The following GRK3 variants were observed in gnomAD, a reference collection of about 807,000 sequenced individuals.
The protein encoded by GRK3 is adrenergic, beta, receptor kinase 2.
A neutral mutation model predicts 95.7 loss-of-function variants in GRK3; 54 were observed. That is an observed-to-expected ratio of 0.56 (90% confidence interval 0.45 to 0.71). The LOEUF is 0.71. Ranked by LOEUF, GRK3 falls within the 30% of genes least tolerant of loss-of-function variation. The probability of loss-of-function intolerance (pLI) is 0.00; values close to 1 mark genes in which losing one functional copy is unlikely to be tolerated. For synonymous variants in GRK3, 281 were observed against 290.8 expected (o/e 0.97, Z 0.34); for missense variants, 649 against 851.2 (o/e 0.76, Z 2.96).
At chr22:25,647,244 C>A in intron 3 of GRK3, 1 of 807,154 alleles carries the variant, frequency 1.2e-6, no homozygotes, top group Non-Finnish European at 1.9e-6. Context: ...AGAGCACAGC[C>A]AGAGGACAGA....
chr22:25,576,609 G>A (rs1032327505), intron 1 of GRK3, among the ~76,000 whole-genome samples: 2 of 152,204 alleles, frequency 1.3e-5, no homozygotes, highest in Admixed American at 6.5e-5. Context: ...GGAAATTCAG[G>A]TTCAGGGAGA....
intron 13 of GRK3, 136 bp downstream of exon 13, chr22:25,695,350 G>A: frequency 1.7e-6 from 1 of 593,790 alleles, no homozygotes. Flanking sequence ...GTGCTAATCT[G>A]GAAGACTCTG....
intron 5 of GRK3, among the ~76,000 whole-genome samples, chr22:25,664,167 A>G (rs762584988): frequency 6.6e-6 from 1 of 152,218 alleles, no homozygotes; most frequent in African/African-American, 2.4e-5. Flanking sequence ...ATTGTATTTT[A>G]CCTTGGCTGT....
intron 1 of GRK3, among the ~76,000 whole-genome samples, chr22:25,569,593 C>T (rs910649584): frequency 1.3e-5 from 2 of 152,160 alleles, no homozygotes; most frequent in Non-Finnish European, 2.9e-5. Context: ...GGAAACTATC[C>T]GACGAAGGTG....
At chr22:25,603,006 T>C (rs1430226812) in intron 1 of GRK3, among the ~76,000 whole-genome samples, 1 of 152,234 alleles carries the variant, frequency 6.6e-6, no homozygotes, top group African/African-American at 2.4e-5. Flanking sequence ...AACATCTGCC[T>C]CCTGGGTTCA....
intron 1 of GRK3, among the ~76,000 whole-genome samples, chr22:25,576,194 G>C (rs933917110): frequency 2.0e-5 from 3 of 151,832 alleles, no homozygotes; most frequent in African/African-American, 7.3e-5. Context: ...TCTCTCGTGG[G>C]TCCCCCTTGT....
chr22:25,711,729 G>C (rs934724875), intron 17 of GRK3, among the ~76,000 whole-genome samples: 1 of 152,250 alleles, frequency 6.6e-6, no homozygotes, highest in Admixed American at 6.5e-5. Flanking sequence ...CTGGGTCAAA[G>C]TGTATCACTA....
chr22:25,610,033 A>T (rs1395802820), intron 2 of GRK3, among the ~76,000 whole-genome samples: 4 of 151,378 alleles, frequency 2.6e-5, no homozygotes, highest in Admixed American at 6.6e-5. Context: ...TTTTTTTTTA[A>T]GGAGACACAG....
At chr22:25,688,899 G>A (rs193238810) in intron 11 of GRK3, among the ~76,000 whole-genome samples, 26 of 152,340 alleles carry the variant, frequency 1.7e-4, no homozygotes, top group Non-Finnish European at 3.2e-4. Flanking sequence ...GCCAATAGGC[G>A]AGAAGATTCC....
At chr22:25,610,374 G>A (rs2084487486) in intron 2 of GRK3, among the ~76,000 whole-genome samples, 1 of 152,138 alleles carries the variant, frequency 6.6e-6, no homozygotes, top group South Asian at 2.1e-4. Context: ...GGCTGAGGTG[G>A]GAGGGTTTCT....
At chr22:25,720,586 C>T (rs1390520917) in intron 19 of GRK3, among the ~76,000 whole-genome samples, 1 of 148,872 alleles carries the variant, frequency 6.7e-6, no homozygotes, top group Non-Finnish European at 1.5e-5. Context: ...AAGCGATTCT[C>T]CTGCCTCAGC....
At chr22:25,673,485 G>T (rs1007408638) in intron 7 of GRK3, among the ~76,000 whole-genome samples, 23 of 150,896 alleles carry the variant, frequency 1.5e-4, no homozygotes, top group African/African-American at 5.1e-4. Flanking sequence ...TTAGAAGCAA[G>T]AGGCAATACC....
intron 2 of GRK3, among the ~76,000 whole-genome samples, chr22:25,624,109 C>T (rs1253025545): frequency 6.6e-6 from 1 of 152,126 alleles, no homozygotes; most frequent in Non-Finnish European, 1.5e-5. Context: ...CAGAACTTGC[C>T]TCCATCTTTT....
intron 9 of GRK3, 139 bp downstream of exon 9, chr22:25,679,054 T>C: frequency 3.7e-6 from 2 of 541,862 alleles, no homozygotes; most frequent in Non-Finnish European, 6.5e-6. Flanking sequence ...ATCTCTTTAT[T>C]TGATTTTGCA....
intron 5 of GRK3, among the ~76,000 whole-genome samples, chr22:25,666,772 T>A (rs1393093892): frequency 6.6e-6 from 1 of 152,180 alleles, no homozygotes; most frequent in Non-Finnish European, 1.5e-5. Context: ...TTGTAAACTT[T>A]CAGGATGATC....
At chr22:25,619,059 A>C (rs1209761046) in intron 2 of GRK3, among the ~76,000 whole-genome samples, 3 of 152,166 alleles carry the variant, frequency 2.0e-5, no homozygotes, top group Non-Finnish European at 2.9e-5. Context: ...TCATTTTTGA[A>C]ATATTTGGCT....
intron 2 of GRK3, among the ~76,000 whole-genome samples, chr22:25,619,657 T>A (rs1226092771): frequency 1.4e-5 from 2 of 142,760 alleles, no homozygotes; most frequent in Non-Finnish European, 3.0e-5. Context: ...CTAGTTTTTT[T>A]TTTTTTTTTT....
At chr22:25,691,317 C>T (rs190139733) in intron 12 of GRK3, among the ~76,000 whole-genome samples, 75 of 152,208 alleles carry the variant, frequency 4.9e-4, no homozygotes, top group Admixed American at 3.4e-3. Context: ...AAAAAACTCC[C>T]AGTGGTCTCA....
At chr22:25,654,751 A>G (rs2084857939) in intron 3 of GRK3, among the ~76,000 whole-genome samples, 1 of 152,166 alleles carries the variant, frequency 6.6e-6, no homozygotes, top group African/African-American at 2.4e-5. Flanking sequence ...ACTTGTGGTT[A>G]TTTCCTAAGT....
Sources: gnomAD v4.1 joint callset for allele counts (sites outside exome capture counted in the v4.1 genomes callset) on GRCh38, gnomAD v4.1.1 for gene constraint, MANE v1.5 for transcripts, NCBI Gene and HGNC (gene_info 2026-07-23, HGNC 2026-07-21) for gene names.